CA5B: variants seen among roughly 807,000 people sequenced by gnomAD.
The protein encoded by CA5B is carbonic anhydrase 5B.
In CA5B, 15 loss-of-function variants were observed where a neutral mutation model predicts 23.1. The observed-to-expected ratio is 0.65, with a 90% CI of 0.43 to 1.00. The LOEUF (loss-of-function observed/expected upper bound fraction) is 1.00, where lower values mean the gene tolerates loss of function less well. CA5B is among the 50% of genes least tolerant of loss of function. CA5B has a pLI of 0.00. For synonymous variants in CA5B, 84 were observed against 98.5 expected (o/e 0.85, Z 0.87); for missense variants, 236 against 252.2 (o/e 0.94, Z 0.43).
rs183831871 is a variant in CA5B, at chrX:15,761,564, A to G, written c.143-3014A>G. 4.1e-3 allele frequency among the ~76,000 whole-genome samples: 467 copies of G among 112,816 alleles called. 3 individuals carry two copies. The highest frequency in any genetic ancestry group is 0.014 in the African/African-American group (447 of 31,071). On this transcript the variant is annotated intron_variant, in intron 2 of 7. Transcript: ENST00000318636. The stretch of plus-strand genomic sequence containing the variant: ...CTGAGGAAAGAAAAAAACCCAGAAC[A>G]TTGGGTTCAGACCTCTCCAGAGATG...
chrX:15,767,912 T>G (rs1488528501), intron 3 of CA5B, among the ~76,000 whole-genome samples: 1 of 94,402 alleles, frequency 1.1e-5, no homozygotes, highest in African/African-American at 4.0e-5. Flanking sequence ...TTTTTTTTTT[T>G]TTTTGAGATG....
chrX:15,767,912 T>C (rs1488528501), intron 3 of CA5B, among the ~76,000 whole-genome samples: 1 of 94,402 alleles, frequency 1.1e-5, no homozygotes, highest in Non-Finnish European at 2.1e-5. Context: ...TTTTTTTTTT[T>C]TTTTGAGATG....
intron 1 of CA5B, among the ~76,000 whole-genome samples, chrX:15,740,568 C>G (rs1931098824): frequency 8.9e-6 from 1 of 112,259 alleles, no homozygotes; most frequent in African/African-American, 3.2e-5. Context: ...TCCTTGATTG[C>G]CTTTGACCGT....
At chrX:15,746,044 T>TC (rs1931224385) in intron 1 of CA5B, among the ~76,000 whole-genome samples, 1 of 16,707 alleles carries the variant, frequency 6.0e-5, no homozygotes, top group Admixed American at 5.6e-4. Flanking sequence ...TTTTTTTTTT[T>TC]TTTGAGACGG....
chrX:15,770,502 C>G (rs1931796269), intron 3 of CA5B, among the ~76,000 whole-genome samples: 1 of 110,220 alleles, frequency 9.1e-6, no homozygotes, highest in African/African-American at 3.3e-5. Context: ...AGGCTGGTCT[C>G]AAACTCCTGG....
At position 15,740,791 on chromosome X, in the gene CA5B, C is replaced by G. The variant is rs750920547; in HGVS notation, c.-54+2439C>G. 1.1e-4 allele frequency among the ~76,000 whole-genome samples: 12 copies of G among 112,788 alleles called. No individual in the cohort carries two copies. The East Asian group carries it at 3.4e-3, about 32-fold the overall frequency. ...GATTAGAGGGCTGGGCGCCATGGCT[C>G]ACGCCTGTACGCCTGTAATCCCAGC... On this transcript the variant is annotated intron_variant, in intron 1 of 7. Transcript: ENST00000318636.
Position 15,776,741 on chromosome X carries a change from G to T in CA5B, c.646G>T (p.Asp216Tyr), listed in dbSNP as rs758809930. 4.1e-6 allele frequency: 5 copies of T among 1,209,627 alleles called. No homozygotes were observed. Among genetic ancestry groups the T allele is most frequent in the Non-Finnish European group, 5.6e-6 (5 of 893,679 alleles). ...KDALVEFGSF[D>Y]PSCLMPTCPD... ...CGCCCTTGTGGAATTTGGGTCATTT[G>T]ACCCTTCCTGCCTGATGCCTACCTG... Residue 216 changes from aspartate to tyrosine, a missense_variant, in exon 7 of 8, where the codon GAC becomes TAC. Physicochemically the swap from Asp to Tyr is radical, Grantham distance 160 (BLOSUM62 -3). Coordinates refer to ENST00000318636, the MANE Select transcript of CA5B (RefSeq NM_007220.4).
chrX:15,746,756 G>C (rs1931242737), intron 1 of CA5B, among the ~76,000 whole-genome samples: 2 of 111,051 alleles, frequency 1.8e-5, no homozygotes, highest in East Asian at 2.8e-4. Context: ...GGAATCATAG[G>C]GGGTTGAAGT....
At chrX:15,753,657 C>A (rs745879484) in intron 2 of CA5B, among the ~76,000 whole-genome samples, 1 of 112,254 alleles carries the variant, frequency 8.9e-6, no homozygotes, top group Non-Finnish European at 1.9e-5. Flanking sequence ...GCCTGTAATC[C>A]CAGCACTTTG....
At chrX:15,744,393 C>T (rs1931183085) in intron 1 of CA5B, among the ~76,000 whole-genome samples, 1 of 112,763 alleles carries the variant, frequency 8.9e-6, no homozygotes, top group Non-Finnish European at 1.9e-5. Context: ...TGTGTGTTCA[C>T]TCATCTGTTT....
rs749257382 is a variant in CA5B at position 15,782,439 on chromosome X, C to T, written c.775-46C>T. The T allele has an allele frequency of 2.0e-5, 22 of 1,104,184 alleles. No individual in the cohort carries two copies. The South Asian group carries it at 3.2e-4, about 16-fold the overall frequency. The allele number at this position is 1,104,184 out of a possible 1,213,427, so 91.0% of individuals were successfully genotyped here. On this transcript the variant is annotated intron_variant, in intron 7 of 7. Transcript: ENST00000318636. ...AAAGTAATTTATTCACGAGGTAAAG[C>T]GAGTTTTCTGTTGAAATTATTTATG...
chrX:15,767,610 C>T (rs1440399891), intron 3 of CA5B, among the ~76,000 whole-genome samples: 4 of 109,017 alleles, frequency 3.7e-5, no homozygotes, highest in Non-Finnish European at 7.6e-5. Flanking sequence ...GTTTTTAAGA[C>T]GGAGTTTTGC....
intron 3 of CA5B, among the ~76,000 whole-genome samples, chrX:15,769,235 C>T (rs1488579958): frequency 9.0e-6 from 1 of 111,394 alleles, no homozygotes; most frequent in Non-Finnish European, 1.9e-5. Context: ...AATTACTAAA[C>T]TCTGGAATGA....
Position 15,785,473 on chromosome X carries a change from A to G in CA5B, c.*2809A>G, listed in dbSNP as rs1367150428. The G allele has an allele frequency of 8.9e-6, 1 of 112,408 alleles. No individual in the cohort carries two copies. The highest frequency in any genetic ancestry group is 3.2e-5 in the African/African-American group (1 of 30,936). The allele number at this position is 112,408 out of a possible 1,213,427, so 9.3% of individuals were successfully genotyped here. ...ATGTGAAGTATGCAAAGTAGTCAAA[A>G]TCATACAATAGAAAGTAGAAAGGTG... On this transcript the variant is annotated 3_prime_UTR_variant, in exon 8 of 8. Coordinates refer to ENST00000318636, the MANE Select transcript of CA5B (RefSeq NM_007220.4).
chrX:15,766,416 A>G (rs891933789), intron 3 of CA5B, among the ~76,000 whole-genome samples: 1 of 111,166 alleles, frequency 9.0e-6, no homozygotes, highest in Admixed American at 9.6e-5. Flanking sequence ...CATGTCCCCA[A>G]CTTTCCTTTC....
At chrX:15,774,015 C>T (rs1417733781) in intron 4 of CA5B, among the ~76,000 whole-genome samples, 2 of 112,462 alleles carry the variant, frequency 1.8e-5, no homozygotes, top group African/African-American at 6.5e-5. Flanking sequence ...CAAGATGGGA[C>T]TGGACAAATG....
At chrX:15,771,216 A>AG (rs1931813337) in intron 3 of CA5B, among the ~76,000 whole-genome samples, 1 of 103,689 alleles carries the variant, frequency 9.6e-6, no homozygotes, top group Non-Finnish European at 2.0e-5. Context: ...AAAAAAAAAA[A>AG]AAAAAAAAGC....
intron 1 of CA5B, among the ~76,000 whole-genome samples, chrX:15,744,342 G>T (rs896031898): frequency 1.8e-5 from 2 of 112,511 alleles, no homozygotes; most frequent in Non-Finnish European, 3.8e-5. Context: ...ACCCACCCCC[G>T]ACCAACAGCC....
chrX:15,741,605 A>G (rs1931124116), intron 1 of CA5B, among the ~76,000 whole-genome samples: 1 of 109,285 alleles, frequency 9.2e-6, no homozygotes, highest in Non-Finnish European at 1.9e-5. Context: ...CAGCCTCCCG[A>G]GTACAGGCGC....
Sources: allele counts gnomAD v4.1 joint callset (sites outside exome capture counted in the v4.1 genomes callset), GRCh38; gene constraint gnomAD v4.1.1; transcripts MANE v1.5; gene names NCBI Gene and HGNC (gene_info 2026-07-23, HGNC 2026-07-21).